The following NIPAL2 variants were observed in gnomAD, a reference collection of about 807,000 sequenced individuals.
NIPAL2 encodes NIPA like domain containing 2, also known as NIPA-like protein 2.
A neutral mutation model predicts 48.9 loss-of-function variants in NIPAL2; 43 were observed. The ratio of observed to expected loss-of-function variants is 0.88; its 90% confidence interval spans 0.69 to 1.13. NIPAL2 has a LOEUF of 1.13. Among genes scored for constraint, NIPAL2 ranks in the 50% most tolerant of loss-of-function variants. The pLI is 0.00. For missense variants in NIPAL2, 446 were observed against 461.4 expected (o/e 0.97, Z 0.31); for synonymous variants, 167 against 174.6 (o/e 0.96, Z 0.34).
intron 3 of NIPAL2, among the ~76,000 whole-genome samples, chr8:98,240,575 T>C (rs1015583360): frequency 3.3e-5 from 5 of 152,122 alleles, no homozygotes; most frequent in African/African-American, 1.2e-4. Context: ...TCATCTTATC[T>C]TGGGGCCGAT....
chr8:98,273,059 T>G (rs1044134642), intron 1 of NIPAL2, among the ~76,000 whole-genome samples: 34 of 152,182 alleles, frequency 2.2e-4, no homozygotes, highest in Admixed American at 1.5e-3. Context: ...TAAAAACTTG[T>G]ACACAAATAT....
intron 4 of NIPAL2, among the ~76,000 whole-genome samples, chr8:98,230,361 G>A (rs1812382755): frequency 6.6e-6 from 1 of 152,050 alleles, no homozygotes; most frequent in Admixed American, 6.6e-5. Context: ...CTCTCAAACT[G>A]GTGTTCCCTG....
At chr8:98,231,650 A>G (rs932175725) in intron 4 of NIPAL2, 2 of 151,580 alleles carry the variant, frequency 1.3e-5, no homozygotes, top group East Asian at 1.9e-4. Context: ...TTAATCCACT[A>G]AGAATCAGAG....
chr8:98,204,975 AG>A, intron 7 of NIPAL2, 135 bp downstream of exon 7: 1 of 896,924 alleles, frequency 1.1e-6, no homozygotes, highest in Non-Finnish European at 1.8e-6. Context: ...ATGTTGGCTG[AG>A]GACAAGCTAC....
chr8:98,237,643 C>T (rs556697441), intron 3 of NIPAL2, among the ~76,000 whole-genome samples: 28 of 152,282 alleles, frequency 1.8e-4, no homozygotes, highest in African/African-American at 6.5e-4. Context: ...TTGGTCACCA[C>T]ATTTGTCTTT....
At chr8:98,292,726 A>ATTTT (rs11445213) in intron 1 of NIPAL2, among the ~76,000 whole-genome samples, 36 of 141,010 alleles carry the variant, frequency 2.6e-4, no homozygotes, top group Middle Eastern at 3.8e-3. Flanking sequence ...CTAACCCTCT[A>ATTTT]TTTTTTTTTT....
intron 6 of NIPAL2, among the ~76,000 whole-genome samples, chr8:98,210,156 T>C (rs1392372449): frequency 1.3e-5 from 2 of 152,112 alleles, no homozygotes; most frequent in African/African-American, 2.4e-5. Flanking sequence ...TTTTAATTAA[T>C]TTTAATTAAT....
chr8:98,193,139 T>A (rs1473235139), intron 10 of NIPAL2, 49 bp from the exon 11 acceptor site: 2 of 1,432,164 alleles, frequency 1.4e-6, no homozygotes, highest in Non-Finnish European at 2.0e-6. Context: ...TACAGAAAAA[T>A]AAGTCTTAAT....
At chr8:98,209,281 T>G (rs971539394) in intron 6 of NIPAL2, among the ~76,000 whole-genome samples, 1 of 151,868 alleles carries the variant, frequency 6.6e-6, no homozygotes, top group Admixed American at 6.6e-5. Flanking sequence ...AAGTGCAAAT[T>G]GTTGTAAGTG....
chr8:98,222,618 A>C lies in NIPAL2; in HGVS notation c.437-18T>G. 1 of 1,611,296 alleles carries C rather than the reference A, an allele frequency of 6.2e-7. No individual in the cohort carries two copies. Among genetic ancestry groups the C allele is most frequent in the Non-Finnish European group, 8.5e-7 (1 of 1,179,210 alleles). ...TGTCGTACCTTTAAATAAAATTGAA[A>C]AGAAAAACCAAATTGAAACCAACCT... On this transcript the variant is annotated intron_variant, in intron 4 of 10. Coordinates refer to ENST00000430223, the MANE Select transcript of NIPAL2 (RefSeq NM_001321635.2).
In NIPAL2 at chr8:98,220,964, CTTTTTTTTTTTTTTT is replaced by C. The variant is rs557824737; in HGVS notation, c.558+1500_558+1514del. On this transcript the variant is annotated intron_variant, in intron 5 of 10. Transcript: ENST00000430223. ...TATTTCTCTATCAGTTCATTTCATT[CTTTTTTTTTTTTTTT>C]TTTTTTTTTTTTTTTGACAGAGTTT... Among the ~76,000 whole-genome samples, 33 of 68,664 alleles carry C rather than the reference CTTTTTTTTTTTTTTT, an allele frequency of 4.8e-4. 1 individual carries two copies. Among genetic ancestry groups the C allele is most frequent in the South Asian group, 4.1e-3 (6 of 1,480 alleles). 45.0% of individuals were successfully genotyped at this position (68,664 alleles called of 152,430 possible). A position where few individuals can be genotyped will look rare whatever the true frequency, so the allele number is the denominator to read the frequency against.
chr8:98,291,906 A>G (rs1004998197), intron 1 of NIPAL2, among the ~76,000 whole-genome samples: 4 of 152,216 alleles, frequency 2.6e-5, no homozygotes, highest in African/African-American at 9.6e-5. Flanking sequence ...CTTAGACAAC[A>G]TTGATTCTAA....
intron 8 of NIPAL2, among the ~76,000 whole-genome samples, chr8:98,202,577 T>C (rs1279451447): frequency 6.6e-6 from 1 of 152,188 alleles, no homozygotes; most frequent in Non-Finnish European, 1.5e-5. Flanking sequence ...TCGCCCCATC[T>C]CTTGCTATGT....
chr8:98,207,479 C>T (rs7833752), intron 6 of NIPAL2, among the ~76,000 whole-genome samples: 8,042 of 151,984 alleles, frequency 0.053, 694 homozygotes, highest in African/African-American at 0.18. Context: ...TAACATTATA[C>T]TTAAAAATAG....
chr8:98,286,308 C>T (rs1319489735), intron 1 of NIPAL2, among the ~76,000 whole-genome samples: 1 of 152,110 alleles, frequency 6.6e-6, no homozygotes. Context: ...TTTAGGGAAC[C>T]AGTGCTGAGG....
chr8:98,200,705 T>G (rs541248031), intron 8 of NIPAL2, among the ~76,000 whole-genome samples: 2 of 152,330 alleles, frequency 1.3e-5, no homozygotes, highest in African/African-American at 4.8e-5. Context: ...GCCACACTGT[T>G]TTCCATAATG....
At chr8:98,262,837 AC>A (rs1440482208) in intron 1 of NIPAL2, among the ~76,000 whole-genome samples, 1 of 152,166 alleles carries the variant, frequency 6.6e-6, no homozygotes, top group Non-Finnish European at 1.5e-5. Context: ...TTTTTTCAGC[AC>A]CGCACCACAC....
chr8:98,195,882 G>A lies in NIPAL2; in HGVS notation c.944+60C>T, dbSNP rs59980805. On this transcript the variant is annotated intron_variant, in intron 9 of 10. Transcript: ENST00000430223. ...TTTTCTATACCTCCGGTACAATGCC[G>A]AAAATCCTACGTAAAAGTAATAGAA... is the stretch of plus-strand genomic sequence containing the variant. 9,335 of 1,265,016 alleles carry A rather than the reference G, an allele frequency of 7.4e-3. 532 individuals are homozygous for A. The African/African-American group carries it at 0.12, about 17-fold the overall frequency. The allele number at this position is 1,265,016 out of a possible 1,614,324, so 78.4% of individuals were successfully genotyped here.
intron 6 of NIPAL2, among the ~76,000 whole-genome samples, chr8:98,210,463 G>A (rs983718201): frequency 3.9e-5 from 6 of 152,058 alleles, no homozygotes; most frequent in Admixed American, 1.3e-4. Flanking sequence ...CTGAGGATGT[G>A]GTCTGTATTC....
Sources: allele counts gnomAD v4.1 joint callset (sites outside exome capture counted in the v4.1 genomes callset), GRCh38; gene constraint gnomAD v4.1.1; transcripts MANE v1.5; gene names NCBI Gene and HGNC (gene_info 2026-07-23, HGNC 2026-07-21).